Variants in ADAMTSL1 observed in about 807,000 individuals in gnomAD.
ADAMTSL1 encodes ADAMTS-like protein 1.
Under a neutral mutation model 201.8 loss-of-function variants are expected in ADAMTSL1, and 126 were observed. The ratio of observed to expected loss-of-function variants is 0.62; its 90% CI spans 0.54 to 0.72. The LOEUF (loss-of-function observed/expected upper bound fraction) is 0.72. Ranked by LOEUF, ADAMTSL1 falls within the 30% of genes least tolerant of loss-of-function variation. The probability of loss-of-function intolerance (pLI) is 0.00; values close to 1 mark genes in which losing one functional copy is unlikely to be tolerated. For synonymous variants in ADAMTSL1, 1,121 were observed against 903.4 expected (o/e 1.24, Z -4.32); for missense variants, 2,679 against 2,277.8 (o/e 1.18, Z -3.59).
chr9:17,966,646 T>C (rs1817990791), intron 1 of ADAMTSL1, among the ~76,000 whole-genome samples: 1 of 152,180 alleles, frequency 6.6e-6, no homozygotes, highest in Non-Finnish European at 1.5e-5. Flanking sequence ...AGATTTCCCC[T>C]TCATCTCTTT....
At chr9:18,618,259 A>G (rs1385656161) in intron 4 of ADAMTSL1, among the ~76,000 whole-genome samples, 2 of 152,220 alleles carry the variant, frequency 1.3e-5, no homozygotes, top group African/African-American at 4.8e-5. Context: ...ACACACATGC[A>G]TGCACACATT....
At chr9:18,376,642 T>TAA (rs5896784) in intron 2 of ADAMTSL1, among the ~76,000 whole-genome samples, 2 of 151,680 alleles carry the variant, frequency 1.3e-5, no homozygotes, top group Non-Finnish European at 1.5e-5. Context: ...CCATCTCTAC[T>TAA]AAAAAATACA....
At chr9:18,334,933 A>G (rs1835168876) in intron 2 of ADAMTSL1, among the ~76,000 whole-genome samples, 3 of 151,922 alleles carry the variant, frequency 2.0e-5, no homozygotes, top group Admixed American at 2.0e-4. Flanking sequence ...TATTTGGAAT[A>G]TTTTCTATTG....
chr9:18,368,103 G>C lies in ADAMTSL1; in HGVS notation c.208-136726G>C, dbSNP rs1836860696. Reference sequence around the variant, plus strand: ...TTAATTTTTTTTTATTTTTAATAGAGATGGGGTTTCGCCGTTTTCGCCAGG... The same window carrying C: ...TTAATTTTTTTTTATTTTTAATAGACATGGGGTTTCGCCGTTTTCGCCAGG... On this transcript the variant is annotated intron_variant, in intron 2 of 29. Coordinates refer to the ADAMTSL1 transcript ENST00000680146. 2.6e-5 allele frequency among the ~76,000 whole-genome samples: 4 copies of C among 151,470 alleles called. 1 individual carries two copies. The South Asian group carries it at 8.3e-4, about 32-fold the overall frequency.
At chr9:18,719,789 C>T (rs1833221788) in intron 14 of ADAMTSL1, among the ~76,000 whole-genome samples, 1 of 152,128 alleles carries the variant, frequency 6.6e-6, no homozygotes, top group Non-Finnish European at 1.5e-5. Context: ...AATGTCACAT[C>T]AACCTAGGAA....
intron 2 of ADAMTSL1, among the ~76,000 whole-genome samples, chr9:18,258,318 G>A (rs2819205): frequency 0.34 from 52,288 of 152,044 alleles, 9,116 homozygotes; most frequent in East Asian, 0.46. Context: ...ATGCTAGTAT[G>A]CAAAATGAGG....
chr9:18,299,667 C>A (rs541703865), intron 2 of ADAMTSL1, among the ~76,000 whole-genome samples: 3 of 152,254 alleles, frequency 2.0e-5, no homozygotes, highest in Middle Eastern at 3.4e-3. Flanking sequence ...AAAGTCAAGA[C>A]TGCAGAACCT....
chr9:18,038,205 T>C (rs1821285677), intron 1 of ADAMTSL1, among the ~76,000 whole-genome samples: 1 of 152,148 alleles, frequency 6.6e-6, no homozygotes, highest in Non-Finnish European at 1.5e-5. Flanking sequence ...GACTTGCCCA[T>C]GTGAGCCTCG....
At chr9:18,869,669 A>G (rs1313518844) in intron 23 of ADAMTSL1, among the ~76,000 whole-genome samples, 12 of 152,144 alleles carry the variant, frequency 7.9e-5, no homozygotes, top group Non-Finnish European at 1.6e-4. Context: ...TTTGTTTCCT[A>G]TAAGAGGTCA....
intron 7 of ADAMTSL1, among the ~76,000 whole-genome samples, chr9:18,640,386 T>A (rs1408704457): frequency 6.6e-6 from 1 of 152,096 alleles, no homozygotes; most frequent in Admixed American, 6.6e-5. Context: ...GAAAGATGTC[T>A]TTATTCTTTG....
intron 2 of ADAMTSL1, among the ~76,000 whole-genome samples, chr9:18,407,601 G>A (rs182755811): frequency 6.6e-6 from 1 of 152,254 alleles, no homozygotes; most frequent in African/African-American, 2.4e-5. Flanking sequence ...AAGAATAAGG[G>A]AGTGGTAATA....
At chr9:18,499,737 G>A (rs778891598) in intron 1 of ADAMTSL1, among the ~76,000 whole-genome samples, 1 of 152,136 alleles carries the variant, frequency 6.6e-6, no homozygotes, top group Non-Finnish European at 1.5e-5. Flanking sequence ...AAAATTGTGA[G>A]TGCCATTCTT....
At chr9:18,817,366 C>T in intron 21 of ADAMTSL1, 129 bp downstream of exon 21, 6 of 902,476 alleles carry the variant, frequency 6.6e-6, no homozygotes, top group Non-Finnish European at 9.6e-6. Context: ...AAGCATGAAC[C>T]TCAGTCGCTC....
intron 3 of ADAMTSL1, among the ~76,000 whole-genome samples, chr9:18,553,793 A>G (rs1200759440): frequency 6.6e-6 from 1 of 151,844 alleles, no homozygotes; most frequent in Non-Finnish European, 1.5e-5. Flanking sequence ...GCCAGCTGTC[A>G]TTCTAATTTG....
At chr9:18,651,718 C>T (rs187086674) in intron 7 of ADAMTSL1, among the ~76,000 whole-genome samples, 13 of 152,172 alleles carry the variant, frequency 8.5e-5, no homozygotes, top group African/African-American at 1.7e-4. Context: ...AGAAACTTTG[C>T]GATTTCTGCT....
At chr9:18,614,930 C>G (rs1825605737) in intron 4 of ADAMTSL1, among the ~76,000 whole-genome samples, 1 of 151,944 alleles carries the variant, frequency 6.6e-6, no homozygotes, top group Non-Finnish European at 1.5e-5. Context: ...AAGTTTCCAT[C>G]TACTCAAAAC....
At chr9:18,638,185 G>A (rs759328449) in intron 6 of ADAMTSL1, among the ~76,000 whole-genome samples, 15 of 152,012 alleles carry the variant, frequency 9.9e-5, no homozygotes, top group Non-Finnish European at 1.8e-4. Flanking sequence ...GAATCACTGG[G>A]CATTTAATTG....
intron 3 of ADAMTSL1, among the ~76,000 whole-genome samples, chr9:18,560,012 C>T (rs922899498): frequency 4.6e-5 from 7 of 152,122 alleles, no homozygotes; most frequent in African/African-American, 1.7e-4. Flanking sequence ...CTTTCTCTTG[C>T]CTGATTGCCC....
chr9:18,149,831 G>A (rs1164076452), intron 1 of ADAMTSL1, among the ~76,000 whole-genome samples: 2 of 152,046 alleles, frequency 1.3e-5, no homozygotes, highest in Non-Finnish European at 2.9e-5. Context: ...CCTGCAGATG[G>A]AGCAGTCAAG....
Sources: gnomAD v4.1 joint callset for allele counts (sites outside exome capture counted in the v4.1 genomes callset) on GRCh38, gnomAD v4.1.1 for gene constraint, MANE v1.5 for transcripts, NCBI Gene and HGNC (gene_info 2026-07-23, HGNC 2026-07-21) for gene names.